Variants in CGN observed in about 807,000 individuals in gnomAD.
CGN encodes the protein cingulin.
A neutral mutation model predicts 157.1 loss-of-function variants in CGN; 121 were observed. The observed-to-expected ratio is 0.77, with a 90% CI of 0.66 to 0.90. The LOEUF is 0.90. CGN is among the 40% of genes least tolerant of loss of function. The pLI is 0.00. For missense variants in CGN, 1,424 were observed against 1,520.9 expected, an observed-to-expected ratio of 0.94 and a Z score of 1.06; for synonymous variants, 535 against 607.5, an observed-to-expected ratio of 0.88 and a Z score of 1.76.
chr1:151,533,216 G>A (rs532026732), intron 14 of CGN, among the ~76,000 whole-genome samples: 20 of 152,326 alleles, frequency 1.3e-4, no homozygotes, highest in East Asian at 1.9e-4. Context: ...GGTGGCTCAC[G>A]CCTGTAATCC....
At chr1:151,533,206 G>A (rs1409498108) in intron 14 of CGN, among the ~76,000 whole-genome samples, 4 of 152,154 alleles carry the variant, frequency 2.6e-5, no homozygotes, top group African/African-American at 4.8e-5. Flanking sequence ...AGCTGAGGAC[G>A]GTGGCTCACG....
At chr1:151,534,842 C>T (rs997188844) in intron 15 of CGN, 200 bp from the exon 16 acceptor site, 4 of 557,014 alleles carry the variant, frequency 7.2e-6, no homozygotes, top group African/African-American at 3.8e-5. Flanking sequence ...AGCATGGCCC[C>T]GACCTGCCCA....
At chr1:151,513,380 T>C (rs1247307448) in intron 1 of CGN, among the ~76,000 whole-genome samples, 1 of 152,204 alleles carries the variant, frequency 6.6e-6, no homozygotes, top group Non-Finnish European at 1.5e-5. Context: ...TCAGCGGACC[T>C]GGGCAGGAGT....
chr1:151,525,064 G>A (rs1158463391), intron 8 of CGN, among the ~76,000 whole-genome samples, 178 bp downstream of exon 8: 4 of 152,288 alleles, frequency 2.6e-5, no homozygotes, highest in Middle Eastern at 3.4e-3. Context: ...GCAGAGGGAG[G>A]GAGTACAGGC....
rs570754788 is a variant in CGN at position 151,512,000 on chromosome 1, C to T, written c.-15+485C>T. On this transcript the variant is annotated intron_variant, in intron 1 of 20. Coordinates refer to ENST00000271636, the MANE Select transcript of CGN (RefSeq NM_020770.3). This position sits in a 1 kb window ranked among gnomAD's most constrained non-coding sequence, Gnocchi z 4.8. ...CTGGCCGTTGTCAGCACCCTGGTGG[C>T]TTTGAGATGACTCTGAGGTGTGGGA... Among the ~76,000 whole-genome samples the T allele has an allele frequency of 6.6e-6, 1 of 152,244 alleles. No homozygotes were observed. The highest frequency in any genetic ancestry group is 1.5e-5 in the Non-Finnish European group (1 of 68,008).
At chr1:151,526,861 G>T in intron 9 of CGN, 114 bp from the exon 10 acceptor site, 1 of 1,140,010 alleles carries the variant, frequency 8.8e-7, no homozygotes, top group Non-Finnish European at 1.3e-6. Flanking sequence ...CTTGAGAGTT[G>T]GTGCCCAGCG....
intron 2 of CGN, 47 bp from the exon 3 acceptor site, chr1:151,520,118 AT>A (rs1557986855): frequency 7.0e-7 from 1 of 1,423,600 alleles, no homozygotes; most frequent in South Asian, 1.3e-5. Context: ...TAATCTTCCT[AT>A]TTCTTTCTTT....
intron 16 of CGN, 62 bp from the exon 17 acceptor site, chr1:151,535,538 T>C: frequency 7.5e-7 from 1 of 1,339,228 alleles, no homozygotes; most frequent in Non-Finnish European, 1.1e-6. Context: ...CCTCACTTTG[T>C]TCAGCTTGCT....
chr1:151,518,403 G>A (rs961402001), intron 1 of CGN, 103 bp from the exon 2 acceptor site: 12 of 961,594 alleles, frequency 1.2e-5, no homozygotes, highest in Non-Finnish European at 1.4e-5. Context: ...CTGAGAATCA[G>A]TGGTTTATCT....
chr1:151,524,582 C>A lies in CGN; in HGVS notation c.1402-92C>A. On this transcript the variant is annotated intron_variant, in intron 7 of 20. Transcript: ENST00000271636. The surrounding 1 kb of genome is among the most constrained non-coding windows in gnomAD (Gnocchi z 4.4). ...GGTACTAGAGCACCTGGTACTGTGCCTAATACGATAAATATTTTTTGACTC... is the reference window on the plus strand; with the variant it reads ...GGTACTAGAGCACCTGGTACTGTGCATAATACGATAAATATTTTTTGACTC... 1.6e-6 allele frequency: 2 copies of A among 1,256,182 alleles called. No individual in the cohort carries two copies. The highest frequency in any genetic ancestry group is 2.2e-6 in the Non-Finnish European group (2 of 895,078). The allele number at this position is 1,256,182 out of a possible 1,614,324, so 77.8% of individuals were successfully genotyped here.
chr1:151,536,425 T>A (rs2102505095), intron 19 of CGN, 80 bp downstream of exon 19: 1 of 807,626 alleles, frequency 1.2e-6, no homozygotes, highest in East Asian at 2.5e-5. Flanking sequence ...AGGGAGGCCC[T>A]TATCTCCTAT....
chr1:151,533,930 A>C, intron 14 of CGN, 45 bp from the exon 15 acceptor site: 2 of 1,548,752 alleles, frequency 1.3e-6, no homozygotes, highest in Non-Finnish European at 1.7e-6. Flanking sequence ...CTCAACCCTC[A>C]CCTTCTCACT....
At chr1:151,535,508 A>T in intron 16 of CGN, 92 bp from the exon 17 acceptor site, 1 of 1,030,680 alleles carries the variant, frequency 9.7e-7, no homozygotes, top group Non-Finnish European at 1.5e-6. Flanking sequence ...GGGTTCAGAG[A>T]CCATCCTCCC....
Position 151,537,729 on chromosome 1 carries a change from TG to T in CGN, c.*384del. The stretch of plus-strand genomic sequence containing the variant: ...CCCTAAGGCTCAGGGAAATACCCTA[TG>T]TTATTGTGCTCCCTGGATTCCTGCA... On this transcript the variant is annotated 3_prime_UTR_variant, in exon 21 of 21. Transcript: ENST00000271636. 6.1e-6 allele frequency: 1 copy of T among 164,806 alleles called. No homozygotes were observed. The highest frequency in any genetic ancestry group is 1.3e-5 in the Non-Finnish European group (1 of 75,224). 10.2% of individuals were successfully genotyped at this position (164,806 alleles called of 1,614,324 possible). A position where few individuals can be genotyped will look rare whatever the true frequency, so the allele number is the denominator to read the frequency against.
chr1:151,535,922 C>A, intron 18 of CGN, 24 bp downstream of exon 18: 1 of 1,556,262 alleles, frequency 6.4e-7, no homozygotes, highest in Non-Finnish European at 8.8e-7. Flanking sequence ...ATCCTTCCTC[C>A]CTTCCTCCCT....
At chr1:151,535,431 G>C (rs1390331264) in intron 16 of CGN, among the ~76,000 whole-genome samples, 169 bp from the exon 17 acceptor site, 1 of 152,180 alleles carries the variant, frequency 6.6e-6, no homozygotes, top group Non-Finnish European at 1.5e-5. Flanking sequence ...GGCTCTGTTT[G>C]CATTCTCTGG....
chr1:151,536,027 C>A, intron 18 of CGN, 129 bp downstream of exon 18: 2 of 758,652 alleles, frequency 2.6e-6, no homozygotes, highest in Non-Finnish European at 4.5e-6. Context: ...CTTTAGGGAA[C>A]ACTTTCTCCT....
intron 16 of CGN, 129 bp downstream of exon 16, chr1:151,535,260 AGGGTTT>A (rs1664943455): frequency 1.3e-6 from 1 of 746,236 alleles, no homozygotes; most frequent in African/African-American, 1.8e-5. Context: ...GGTCTCCTTC[AGGGTTT>A]TGTCTGCTTT....
chr1:151,526,387 G>A (rs1664681029), intron 9 of CGN, among the ~76,000 whole-genome samples: 1 of 151,884 alleles, frequency 6.6e-6, no homozygotes, highest in South Asian at 2.1e-4. Context: ...ATATTGGCCA[G>A]GCTGGTCTTG....
Sources: gnomAD v4.1 joint callset for allele counts (sites outside exome capture counted in the v4.1 genomes callset) on GRCh38, gnomAD v4.1.1 for gene constraint, Gnocchi (gnomAD v3.1) non-coding constraint, MANE v1.5 for transcripts, NCBI Gene and HGNC (gene_info 2026-07-23, HGNC 2026-07-21) for gene names.